Variants in AGAP1 observed in about 807,000 individuals in gnomAD.
AGAP1 encodes ArfGAP with GTPase domain, ankyrin repeat and PH domain 1.
A neutral mutation model predicts 105.3 loss-of-function variants in AGAP1; 29 were observed. The observed-to-expected ratio is 0.28, with a 90% CI of 0.21 to 0.38. The LOEUF is 0.38. AGAP1 is among the 10% of genes least tolerant of loss of function. The pLI is 1.00. For synonymous variants in AGAP1, 509 were observed against 485.9 expected (o/e 1.05, Z -0.63); for missense variants, 998 against 1,165.1 (o/e 0.86, Z 2.09).
chr2:235,725,929 T>C lies in AGAP1; in HGVS notation c.310+8285T>C. Among the ~76,000 whole-genome samples the C allele has an allele frequency of 6.6e-6, 1 of 152,190 alleles. No individual in the cohort carries two copies. On this transcript the variant is annotated intron_variant, in intron 3 of 17. Transcript: ENST00000304032. The surrounding 1 kb of genome is among the most constrained non-coding windows in gnomAD (Gnocchi z 5.7). ...AAAAAAATAATAAAAGGGAAGCATG[T>C]TCTGTTTCATTTTGAGCAAGAAAAA...
rs990458944 is a variant in AGAP1 at position 235,557,430 on chromosome 2, A to T, written c.163+62581A>T. On this transcript the variant is annotated intron_variant, in intron 1 of 17. Transcript: ENST00000304032. This position sits in a 1 kb window ranked among gnomAD's most constrained non-coding sequence, Gnocchi z 4.7. ...CGGTGATGCTGGGTACAGGCTCTGG[A>T]GTCATCTTGATTTGGTAAAAGGCAT... Among the ~76,000 whole-genome samples the T allele has an allele frequency of 6.6e-6, 1 of 152,126 alleles. No individual in the cohort carries two copies. Among genetic ancestry groups the T allele is most frequent in the Non-Finnish European group, 1.5e-5 (1 of 68,028 alleles).
chr2:235,759,343 G>A (rs1321555679), intron 6 of AGAP1, among the ~76,000 whole-genome samples: 1 of 151,254 alleles, frequency 6.6e-6, no homozygotes, highest in Non-Finnish European at 1.5e-5. Flanking sequence ...TAATTTTTTT[G>A]TATTTTTAGT....
chr2:235,563,462 C>T (rs1247857085), intron 1 of AGAP1, among the ~76,000 whole-genome samples: 2 of 152,122 alleles, frequency 1.3e-5, no homozygotes, highest in Admixed American at 6.5e-5. Context: ...TAAGATGCCT[C>T]GGCTCCTTCT....
At position 235,607,229 on chromosome 2, in the gene AGAP1, G is replaced by A. The variant is rs1335020974; in HGVS notation, c.164-101950G>A. ...AGACCCAGGGCTGCCCCTAGACCAT[G>A]CAGGGGAATGCTAGGTGGGAAATAG... On this transcript the variant is annotated intron_variant, in intron 1 of 17. Transcript: ENST00000304032. 3.9e-5 allele frequency among the ~76,000 whole-genome samples: 6 copies of A among 152,144 alleles called. No individual in the cohort carries two copies. The East Asian group carries it at 9.7e-4, about 24-fold the overall frequency.
rs1328193039 is a variant in AGAP1 at position 236,000,507 on chromosome 2, G to C, written c.1645+31884G>C. Among the ~76,000 whole-genome samples, 1 of 152,062 alleles carries C rather than the reference G, an allele frequency of 6.6e-6. No individual in the cohort carries two copies. Among genetic ancestry groups the C allele is most frequent in the Non-Finnish European group, 1.5e-5 (1 of 68,018 alleles). ...AGTCCAGTCCCCCACCCTGAGCGTT[G>C]ATGGTGGGGTGTGCATCCCCCACCC... On this transcript the variant is annotated intron_variant, in intron 13 of 17. Transcript: ENST00000304032. This position sits in a 1 kb window ranked among gnomAD's most constrained non-coding sequence, Gnocchi z 4.3.
At chr2:235,587,755 TAA>T (rs35736390) in intron 1 of AGAP1, among the ~76,000 whole-genome samples, 65 of 145,316 alleles carry the variant, frequency 4.5e-4, no homozygotes, top group African/African-American at 5.5e-4. Flanking sequence ...AACTCCGCCT[TAA>T]AAAAAAAAAA....
intron 6 of AGAP1, among the ~76,000 whole-genome samples, chr2:235,758,121 AACTAG>A (rs1954083804): frequency 6.6e-6 from 1 of 151,528 alleles, no homozygotes; most frequent in Non-Finnish European, 1.5e-5. Context: ...ATTAGATTGG[AACTAG>A]TGTGTGTGTG....
chr2:236,009,781 T>A lies in AGAP1; in HGVS notation c.1646-26780T>A, dbSNP rs137965981. Reference sequence around the variant, plus strand: ...TGCTCGGTTCACGCCAAGGATGTAATTCATGCACACTTGGACGTCCAACAT... The same window carrying A: ...TGCTCGGTTCACGCCAAGGATGTAAATCATGCACACTTGGACGTCCAACAT... On this transcript the variant is annotated intron_variant, in intron 13 of 17. Transcript: ENST00000304032. This position sits in a 1 kb window ranked among gnomAD's most constrained non-coding sequence, Gnocchi z 4.2. 5.2e-3 allele frequency among the ~76,000 whole-genome samples: 790 copies of A among 152,294 alleles called. 8 individuals carry two copies. The highest frequency in any genetic ancestry group is 0.018 in the African/African-American group (756 of 41,572).
At chr2:236,007,841 G>A (rs1318040558) in intron 13 of AGAP1, among the ~76,000 whole-genome samples, 1 of 152,212 alleles carries the variant, frequency 6.6e-6, no homozygotes, top group African/African-American at 2.4e-5. Flanking sequence ...ACAGAGCAGC[G>A]AGCCAGTCCT....
rs1194142726 is a variant in AGAP1 at position 235,709,884 on chromosome 2, C to T, written c.222+647C>T. Among the ~76,000 whole-genome samples the T allele has an allele frequency of 2.6e-5, 4 of 152,148 alleles. No homozygotes were observed. The East Asian group carries it at 7.7e-4, about 29-fold the overall frequency. On this transcript the variant is annotated intron_variant, in intron 2 of 17. Transcript: ENST00000304032. Reference sequence around the variant, plus strand: ...AGGGGCAAGTCTAACTTTGAAACAACCAGGTTCTTTGTCGTGAAATATGTG... The same window carrying T: ...AGGGGCAAGTCTAACTTTGAAACAATCAGGTTCTTTGTCGTGAAATATGTG...
intron 10 of AGAP1, among the ~76,000 whole-genome samples, chr2:235,895,498 ACTC>A (rs2050758967): frequency 6.6e-6 from 1 of 151,478 alleles, no homozygotes; most frequent in Non-Finnish European, 1.5e-5. Context: ...TGCCTCACTA[ACTC>A]CTCTTTCCAA....
rs1416467116 is a variant in AGAP1 at position 236,109,753 on chromosome 2, A to C, written c.2115-10439A>C. ...TGCCAACCACATACTTATGTAAAGC[A>C]CTGGAAATGTGTCTAAAGGAACTGT... On this transcript the variant is annotated intron_variant, in intron 16 of 17. Transcript: ENST00000304032. This position sits in a 1 kb window ranked among gnomAD's most constrained non-coding sequence, Gnocchi z 5.4. 1.3e-5 allele frequency among the ~76,000 whole-genome samples: 2 copies of C among 152,230 alleles called. No homozygotes were observed. Among genetic ancestry groups the C allele is most frequent in the African/African-American group, 2.4e-5 (1 of 41,462 alleles).
At chr2:235,854,654 T>C (rs1441747840) in intron 9 of AGAP1, among the ~76,000 whole-genome samples, 4 of 152,192 alleles carry the variant, frequency 2.6e-5, no homozygotes, top group African/African-American at 4.8e-5. Flanking sequence ...GTGGTGGACT[T>C]GGGGATGTTT....
rs139182396 is a variant in AGAP1 at position 236,087,671 on chromosome 2, C to CGTGAA, written c.2115-32520_2115-32516dup. 0.016 allele frequency among the ~76,000 whole-genome samples: 2,424 copies of CGTGAA among 152,224 alleles called. 107 individuals are homozygous for CGTGAA. The highest frequency in any genetic ancestry group is 0.081 in the Admixed American group (1,242 of 15,286). Reference sequence around the variant, plus strand: ...GCTTTTCTCTGTTTCCATGTGGTGCCGTGAATAGTCTCATAAGCCATGTAA... The same window carrying CGTGAA: ...GCTTTTCTCTGTTTCCATGTGGTGCCGTGAAGTGAATAGTCTCATAAGCCATGTAA... On this transcript the variant is annotated intron_variant, in intron 16 of 17. Transcript: ENST00000304032. This position sits in a 1 kb window ranked among gnomAD's most constrained non-coding sequence, Gnocchi z 5.7.
Position 235,959,250 on chromosome 2 carries a change from G to A in AGAP1, c.1484-9212G>A, listed in dbSNP as rs1351763961. 1.3e-5 allele frequency among the ~76,000 whole-genome samples: 2 copies of A among 152,218 alleles called. No homozygotes were observed. The highest frequency in any genetic ancestry group is 6.5e-5 in the Admixed American group (1 of 15,288). ...TATGCAGCCAGGAGGAGCGGATGGC[G>A]CTCCGTGGGCCGGCTGGAGCTCATT... is the stretch of plus-strand genomic sequence containing the variant. On this transcript the variant is annotated intron_variant, in intron 12 of 17. Transcript: ENST00000304032. This position sits in a 1 kb window ranked among gnomAD's most constrained non-coding sequence, Gnocchi z 7.3.
chr2:235,669,276 T>C (rs142830918), intron 1 of AGAP1, among the ~76,000 whole-genome samples: 325 of 152,262 alleles, frequency 2.1e-3, no homozygotes, highest in African/African-American at 7.2e-3. Context: ...GACTGTTTTT[T>C]AAACAAGTCA....
At chr2:235,686,556 T>TATAC (rs550721460) in intron 1 of AGAP1, among the ~76,000 whole-genome samples, 77 of 101,864 alleles carry the variant, frequency 7.6e-4, no homozygotes, top group Middle Eastern at 5.6e-3. Flanking sequence ...GATATATATA[T>TATAC]ACACACACAC....
intron 12 of AGAP1, among the ~76,000 whole-genome samples, chr2:235,948,741 A>C (rs369527825): frequency 6.6e-6 from 1 of 152,164 alleles, no homozygotes; most frequent in Admixed American, 6.5e-5. Context: ...CACAGCAGCC[A>C]GGCAGAGGCA....
In AGAP1 at chr2:235,712,048, G is replaced by A. The variant is rs990774661; in HGVS notation, c.222+2811G>A. On this transcript the variant is annotated intron_variant, in intron 2 of 17. Coordinates refer to ENST00000304032, the MANE Select transcript of AGAP1 (RefSeq NM_001037131.3). This position sits in a 1 kb window ranked among gnomAD's most constrained non-coding sequence, Gnocchi z 6.0. ...TCTTTCTTTCTTTTTTTTTTGTTACGGGGTCTCACTCTGTCACCCAGGCTG... is the reference window on the plus strand; with the variant it reads ...TCTTTCTTTCTTTTTTTTTTGTTACAGGGTCTCACTCTGTCACCCAGGCTG... Among the ~76,000 whole-genome samples the A allele has an allele frequency of 2.0e-5, 3 of 149,910 alleles. No homozygotes were observed. Among genetic ancestry groups the A allele is most frequent in the Non-Finnish European group, 3.0e-5 (2 of 67,696 alleles).
Sources: gnomAD v4.1 joint callset for allele counts (sites outside exome capture counted in the v4.1 genomes callset) on GRCh38, gnomAD v4.1.1 for gene constraint, Gnocchi (gnomAD v3.1) non-coding constraint, MANE v1.5 for transcripts, NCBI Gene and HGNC (gene_info 2026-07-23, HGNC 2026-07-21) for gene names.